GNAO1: variants seen among roughly 807,000 people sequenced by gnomAD.
GNAO1 encodes guanine nucleotide-binding protein G(o) subunit alpha.
For synonymous variants in GNAO1, 164 were observed against 180.7 expected (o/e 0.91, Z 0.74); for missense variants, 166 against 478.7 (o/e 0.35, Z 6.10).
intron 2 of GNAO1, among the ~76,000 whole-genome samples, chr16:56,198,443 TGTTTAGAGAAGCA>T (rs2036253113): frequency 6.6e-6 from 1 of 152,202 alleles, no homozygotes; most frequent in South Asian, 2.1e-4. Context: ...TAGTTTCTTG[TGTTTAGAGAAGCA>T]GTTTAGCATG....
chr16:56,242,596 T>C (rs2036704187), intron 2 of GNAO1, among the ~76,000 whole-genome samples: 1 of 152,178 alleles, frequency 6.6e-6, no homozygotes, highest in African/African-American at 2.4e-5. Flanking sequence ...ACAAATGGTA[T>C]TGGGACAACT....
At chr16:56,333,585 TC>T (rs1349727188) in intron 4 of GNAO1, among the ~76,000 whole-genome samples, 2 of 152,230 alleles carry the variant, frequency 1.3e-5, no homozygotes, top group African/African-American at 4.8e-5. Flanking sequence ...TGTTTTCTTT[TC>T]TTAGGGGCAT....
intron 3 of GNAO1, among the ~76,000 whole-genome samples, chr16:56,285,073 A>G (rs1456028863): frequency 6.6e-6 from 1 of 152,158 alleles, no homozygotes; most frequent in Non-Finnish European, 1.5e-5. Flanking sequence ...TGCAGAGTTG[A>G]GTGGATGCTC....
At chr16:56,353,369 G>A (rs1596882779) in intron 7 of GNAO1, 1 of 152,236 alleles carries the variant, frequency 6.6e-6, no homozygotes, top group African/African-American at 2.4e-5. Flanking sequence ...CCCCAGCGAA[G>A]GGCAGTTGGA....
chr16:56,270,419 GACACACACAC>G (rs148497109), intron 2 of GNAO1: 36 of 146,376 alleles, frequency 2.5e-4, no homozygotes, highest in Non-Finnish European at 4.2e-4. Context: ...TCCCCACCCT[GACACACACAC>G]ACACACACAC....
chr16:56,203,239 C>T (rs2143306172), intron 2 of GNAO1, among the ~76,000 whole-genome samples: 1 of 152,152 alleles, frequency 6.6e-6, no homozygotes, highest in Non-Finnish European at 1.5e-5. Flanking sequence ...CAGTCACTGC[C>T]CCCTGCTGCT....
At chr16:56,324,172 G>GA (rs1239749791) in intron 3 of GNAO1, among the ~76,000 whole-genome samples, 1 of 152,204 alleles carries the variant, frequency 6.6e-6, no homozygotes, top group Non-Finnish European at 1.5e-5. Context: ...ACTGGAGTGG[G>GA]ACCCATTAAA....
At chr16:56,277,199 C>T (rs79464093) in intron 3 of GNAO1, among the ~76,000 whole-genome samples, 4 of 152,278 alleles carry the variant, frequency 2.6e-5, no homozygotes, top group African/African-American at 4.8e-5. Context: ...GGCCAGCCTG[C>T]GGTGGAGAAG....
At chr16:56,230,326 G>A (rs1245626000) in intron 2 of GNAO1, among the ~76,000 whole-genome samples, 1 of 152,112 alleles carries the variant, frequency 6.6e-6, no homozygotes, top group African/African-American at 2.4e-5. Context: ...AGCTTGTCCA[G>A]AGGAAGCGGG....
At chr16:56,215,498 G>A (rs1043971685) in intron 2 of GNAO1, among the ~76,000 whole-genome samples, 7 of 152,248 alleles carry the variant, frequency 4.6e-5, no homozygotes, top group Admixed American at 1.3e-4. Context: ...TGTGGCCTTG[G>A]GCAACTAGGT....
chr16:56,333,839 C>T (rs934432129), intron 4 of GNAO1, among the ~76,000 whole-genome samples: 5 of 152,268 alleles, frequency 3.3e-5, no homozygotes, highest in African/African-American at 9.6e-5. Context: ...TTGTGGTTTG[C>T]CCCGGCAGCA....
chr16:56,235,072 C>G (rs1250065138), intron 2 of GNAO1: 1 of 330,608 alleles, frequency 3.0e-6, no homozygotes, highest in African/African-American at 2.2e-5. Context: ...GACACCTATT[C>G]GCTGACCAGA....
intron 2 of GNAO1, among the ~76,000 whole-genome samples, chr16:56,266,957 C>T (rs2036959729): frequency 1.3e-5 from 2 of 152,158 alleles, no homozygotes; most frequent in Admixed American, 6.5e-5. Context: ...AGTCCCCAGC[C>T]GCCACCGTGT....
chr16:56,340,711 C>G (rs534430289), intron 6 of GNAO1: 77 of 819,412 alleles, frequency 9.4e-5, no homozygotes, highest in Non-Finnish European at 1.3e-4. Context: ...TGGTCTCCGT[C>G]CCGGTGGTGC....
intron 2 of GNAO1, chr16:56,194,122 T>G (rs1239888976): frequency 4.4e-6 from 2 of 456,318 alleles, no homozygotes; most frequent in Non-Finnish European, 8.8e-6. Context: ...TCGGAGACAA[T>G]TTTCCCATCT....
intron 3 of GNAO1, among the ~76,000 whole-genome samples, chr16:56,283,576 G>A (rs1264190725): frequency 6.6e-6 from 1 of 152,206 alleles, no homozygotes. Flanking sequence ...ACAGTGCAGT[G>A]CGGTTCACCT....
At chr16:56,334,941 C>A in intron 5 of GNAO1, 84 bp downstream of exon 5, 1 of 1,440,944 alleles carries the variant, frequency 6.9e-7, no homozygotes. Flanking sequence ...TTTACAGCGC[C>A]CAAACATCAT....
chr16:56,237,064 G>C (rs1322584976), intron 2 of GNAO1, among the ~76,000 whole-genome samples: 1 of 152,194 alleles, frequency 6.6e-6, no homozygotes, highest in African/African-American at 2.4e-5. Flanking sequence ...GTGGAATGCT[G>C]TACATGAAGT....
intron 2 of GNAO1, among the ~76,000 whole-genome samples, chr16:56,251,744 G>A (rs1190524812): frequency 6.6e-6 from 1 of 152,112 alleles, no homozygotes; most frequent in Admixed American, 6.5e-5. Context: ...TTGGAAGGTT[G>A]GTCCACTTAG....
Sources: allele counts gnomAD v4.1 joint callset (sites outside exome capture counted in the v4.1 genomes callset), GRCh38; gene constraint gnomAD v4.1.1; transcripts MANE v1.5; gene names NCBI Gene and HGNC (gene_info 2026-07-23, HGNC 2026-07-21).